The following NRXN3 variants were observed in gnomAD, a reference collection of about 807,000 sequenced individuals.
NRXN3 encodes neurexin 3.
In NRXN3, 32 loss-of-function variants were observed where a neutral mutation model predicts 137.6. The ratio of observed to expected loss-of-function variants is 0.23; its 90% CI spans 0.18 to 0.31. NRXN3 has a LOEUF of 0.31. NRXN3 is among the 10% of genes least tolerant of loss of function. NRXN3 has a pLI of 1.00. For missense variants in NRXN3, 1,574 were observed against 2,062.5 expected (o/e 0.76, Z 4.59); for synonymous variants, 798 against 784.5 (o/e 1.02, Z -0.29).
chr14:78,380,031 A>G (rs2088738340), intron 4 of NRXN3, among the ~76,000 whole-genome samples: 1 of 152,208 alleles, frequency 6.6e-6, no homozygotes, highest in Admixed American at 6.5e-5. Context: ...ATCTAACAAA[A>G]TGTGCACAAC....
intron 4 of NRXN3, among the ~76,000 whole-genome samples, chr14:78,438,770 G>T (rs1377107625): frequency 6.6e-6 from 1 of 152,132 alleles, no homozygotes; most frequent in Admixed American, 6.5e-5. Flanking sequence ...CATAGGAAAA[G>T]TAGATAGAAA....
chr14:78,711,647 G>A (rs1287394854), intron 7 of NRXN3, among the ~76,000 whole-genome samples: 2 of 151,890 alleles, frequency 1.3e-5, no homozygotes, highest in Admixed American at 6.6e-5. Context: ...CACCATGTTG[G>A]CCAGGCCAAT....
chr14:79,279,136 C>T (rs746718115), intron 15 of NRXN3, among the ~76,000 whole-genome samples: 1 of 152,246 alleles, frequency 6.6e-6, no homozygotes, highest in Middle Eastern at 3.4e-3. Context: ...CACGCGCGCA[C>T]ACACGGCGGG....
At chr14:78,522,397 T>A (rs1363317565) in intron 4 of NRXN3, among the ~76,000 whole-genome samples, 1 of 152,158 alleles carries the variant, frequency 6.6e-6, no homozygotes, top group East Asian at 1.9e-4. Flanking sequence ...AATAAATAAT[T>A]TGGTTGAAAG....
intron 8 of NRXN3, among the ~76,000 whole-genome samples, chr14:78,728,685 C>T (rs2098499217): frequency 6.6e-6 from 1 of 151,954 alleles, no homozygotes; most frequent in African/African-American, 2.4e-5. Flanking sequence ...ATCACGAGGT[C>T]ATGAGTTCGA....
At chr14:78,944,561 C>T (rs1052738702) in intron 10 of NRXN3, among the ~76,000 whole-genome samples, 1 of 152,074 alleles carries the variant, frequency 6.6e-6, no homozygotes, top group African/African-American at 2.4e-5. Context: ...ATGATGGTGT[C>T]CTCATCAGAA....
chr14:79,185,467 A>ATTTT (rs10678366), intron 15 of NRXN3, among the ~76,000 whole-genome samples: 1 of 144,206 alleles, frequency 6.9e-6, no homozygotes, highest in Non-Finnish European at 1.5e-5. Flanking sequence ...ACACTTGGGA[A>ATTTT]TTTTTTTTTT....
At chr14:79,801,904 G>A (rs886405129) in intron 19 of NRXN3, among the ~76,000 whole-genome samples, 4 of 151,700 alleles carry the variant, frequency 2.6e-5, no homozygotes, top group Non-Finnish European at 5.9e-5. Flanking sequence ...GGAATTGGAG[G>A]TAGAGAAGGG....
intron 16 of NRXN3, among the ~76,000 whole-genome samples, chr14:79,498,941 T>A (rs959433663): frequency 7.9e-5 from 12 of 152,192 alleles, no homozygotes; most frequent in African/African-American, 2.9e-4. Flanking sequence ...CACACCATTA[T>A]GCCCAGTTAA....
Position 79,736,630 on chromosome 14 carries a change from G to A in NRXN3, c.4014+38693G>A, listed in dbSNP as rs932059862. On this transcript the variant is annotated intron_variant, in intron 19 of 20. Transcript: ENST00000335750. ...AAAAAGACAGTTTGAGAGAGAAAGT[G>A]GGACCAGGGGGCCATCGCGAGTGTG... Among the ~76,000 whole-genome samples, 4 of 152,194 alleles carry A rather than the reference G, an allele frequency of 2.6e-5. No individual in the cohort carries two copies. The East Asian group carries it at 7.7e-4, about 29-fold the overall frequency.
At chr14:79,817,342 C>T (rs140434769) in intron 20 of NRXN3, among the ~76,000 whole-genome samples, 4 of 152,234 alleles carry the variant, frequency 2.6e-5, no homozygotes, top group Non-Finnish European at 4.4e-5. Context: ...TATGAGCCAC[C>T]GTTCCGGGCC....
At chr14:79,782,217 T>C (rs1028131581) in intron 19 of NRXN3, among the ~76,000 whole-genome samples, 2 of 152,184 alleles carry the variant, frequency 1.3e-5, no homozygotes, top group African/African-American at 4.8e-5. Context: ...TTTAGAAGAA[T>C]TGAAATACCC....
chr14:78,934,998 A>G (rs1255720906), intron 10 of NRXN3, among the ~76,000 whole-genome samples: 4 of 151,952 alleles, frequency 2.6e-5, no homozygotes, highest in African/African-American at 9.7e-5. Flanking sequence ...AGAAATAGAC[A>G]ATGGGCTTAA....
At chr14:79,226,865 G>C (rs1484436117) in intron 15 of NRXN3, among the ~76,000 whole-genome samples, 2 of 138,380 alleles carry the variant, frequency 1.4e-5, no homozygotes, top group South Asian at 4.5e-4. Flanking sequence ...GCTCAGTCTG[G>C]AGTGCAGTGA....
At chr14:78,438,010 G>A (rs944563222) in intron 4 of NRXN3, among the ~76,000 whole-genome samples, 1 of 152,082 alleles carries the variant, frequency 6.6e-6, no homozygotes, top group African/African-American at 2.4e-5. Context: ...ACGTCCTGGG[G>A]GTAGATGTGG....
chr14:79,102,912 G>A (rs1182997527), intron 15 of NRXN3, among the ~76,000 whole-genome samples: 2 of 152,178 alleles, frequency 1.3e-5, no homozygotes, highest in Admixed American at 6.5e-5. Flanking sequence ...TGAAAAATTT[G>A]TGAGTGCCTA....
At chr14:79,819,810 C>T (rs1434710494) in intron 20 of NRXN3, among the ~76,000 whole-genome samples, 1 of 151,958 alleles carries the variant, frequency 6.6e-6, no homozygotes, top group Non-Finnish European at 1.5e-5. Context: ...AGGACATTTC[C>T]CACCTTTGTT....
chr14:78,986,977 C>T (rs1011833334), intron 14 of NRXN3, among the ~76,000 whole-genome samples: 1 of 134,162 alleles, frequency 7.5e-6, no homozygotes, highest in Admixed American at 8.7e-5. Flanking sequence ...GAGCCAAGAT[C>T]GTGCCACTGC....
intron 15 of NRXN3, among the ~76,000 whole-genome samples, chr14:79,073,070 A>G (rs1279738947): frequency 1.3e-5 from 2 of 151,958 alleles, no homozygotes; most frequent in Admixed American, 6.6e-5. Flanking sequence ...TATTTTTAGT[A>G]CAGACAGTGT....
Sources: allele counts gnomAD v4.1 joint callset (sites outside exome capture counted in the v4.1 genomes callset), GRCh38; gene constraint gnomAD v4.1.1; transcripts MANE v1.5; gene names NCBI Gene and HGNC (gene_info 2026-07-23, HGNC 2026-07-21).